The following DLC1 variants were observed in gnomAD, a reference collection of about 807,000 sequenced individuals.
The protein encoded by DLC1 is DLC1 Rho GTPase activating protein.
In DLC1, 54 loss-of-function variants were observed where a neutral mutation model predicts 140.3. The ratio of observed to expected loss-of-function variants is 0.38; its 90% CI spans 0.31 to 0.48. The LOEUF is 0.48. Ranked by LOEUF, DLC1 falls within the 20% of genes least tolerant of loss-of-function variation. The pLI is 0.96. For missense variants in DLC1, 2,536 were observed against 1,907.0 expected (o/e 1.33, Z -6.14); for synonymous variants, 986 against 728.1 (o/e 1.35, Z -5.70).
chr8:13,304,948 T>C (rs1188293), intron 5 of DLC1: 1,019,790 of 1,022,202 alleles, frequency 1, 508,733 homozygotes, highest in Middle Eastern at 1. Flanking sequence ...TAATTATTAA[T>C]AACTAATTTC....
rs147570369 is a variant in DLC1, at chr8:13,510,975, C to G, written c.-126+3627G>C. Among the ~76,000 whole-genome samples, 4 of 152,136 alleles carry G rather than the reference C, an allele frequency of 2.6e-5. No individual in the cohort carries two copies. The East Asian group carries it at 7.7e-4, about 29-fold the overall frequency. ...TTACCATTCCTCAACCCTGGTTTTC[C>G]TTTCTTTTTTTTTTCCTTCGCTTTT... On this transcript the variant is annotated intron_variant, in intron 1 of 17. Coordinates refer to ENST00000276297, the MANE Select transcript of DLC1 (RefSeq NM_182643.3).
intron 5 of DLC1, among the ~76,000 whole-genome samples, chr8:13,215,996 A>G (rs1314690750): frequency 1.3e-5 from 2 of 152,048 alleles, no homozygotes; most frequent in African/African-American, 4.8e-5. Flanking sequence ...AAAGTTTCCT[A>G]GGTGATTTTT....
chr8:13,328,646 G>C (rs1028945263), intron 4 of DLC1, among the ~76,000 whole-genome samples: 1 of 152,138 alleles, frequency 6.6e-6, no homozygotes, highest in Non-Finnish European at 1.5e-5. Context: ...GAGGGTATCT[G>C]AAGCTGGGGA....
At chr8:13,221,230 C>T (rs1485070974) in intron 5 of DLC1, among the ~76,000 whole-genome samples, 3 of 152,194 alleles carry the variant, frequency 2.0e-5, no homozygotes, top group East Asian at 3.9e-4. Context: ...ACCACTGACC[C>T]GGATGATTAC....
At chr8:13,259,796 G>T (rs796190856) in intron 5 of DLC1, among the ~76,000 whole-genome samples, 5 of 148,142 alleles carry the variant, frequency 3.4e-5, no homozygotes, top group Non-Finnish European at 6.0e-5. Context: ...CAACAGATGG[G>T]TTTTTTTTTT....
intron 5 of DLC1, among the ~76,000 whole-genome samples, chr8:13,177,235 G>T (rs1372499366): frequency 6.6e-6 from 1 of 151,952 alleles, no homozygotes; most frequent in Admixed American, 6.6e-5. Flanking sequence ...AATTTTTGGG[G>T]GGTTTCTTGG....
chr8:13,563,998 T>C (rs1046624098), intron 1 of DLC1, among the ~76,000 whole-genome samples: 7 of 152,196 alleles, frequency 4.6e-5, no homozygotes, highest in East Asian at 1.9e-4. Flanking sequence ...TCAATGTTTA[T>C]AGTAATTATC....
chr8:13,249,267 C>T (rs1829901005), intron 5 of DLC1, among the ~76,000 whole-genome samples: 2 of 152,124 alleles, frequency 1.3e-5, no homozygotes, highest in Admixed American at 6.5e-5. Flanking sequence ...TTAGTAGAGA[C>T]GAGTTTCACC....
intron 1 of DLC1, among the ~76,000 whole-genome samples, chr8:13,554,319 G>A (rs1002016868): frequency 2.6e-5 from 4 of 152,078 alleles, no homozygotes; most frequent in African/African-American, 9.7e-5. Flanking sequence ...GGCTGCCTCA[G>A]CCTCCCAAAA....
chr8:13,572,088 A>ATTTTTTT, intron 1 of DLC1, among the ~76,000 whole-genome samples: 1 of 60,648 alleles, frequency 1.6e-5, no homozygotes, highest in Non-Finnish European at 3.6e-5. Flanking sequence ...TATTATTATT[A>ATTTTTTT]TTATTTATTT....
At chr8:13,601,841 G>T (rs1156655374) in intron 1 of DLC1, among the ~76,000 whole-genome samples, 1 of 151,696 alleles carries the variant, frequency 6.6e-6, no homozygotes, top group Non-Finnish European at 1.5e-5. Context: ...TGGTGATTTT[G>T]CTGGCTATAT....
chr8:13,177,749 TG>T (rs33986456), intron 5 of DLC1, among the ~76,000 whole-genome samples: 5,959 of 152,296 alleles, frequency 0.039, 394 homozygotes, highest in African/African-American at 0.14. Context: ...GAAAAAATTT[TG>T]GTTCTTGGAC....
At position 13,222,860 on chromosome 8, in the gene DLC1, C is replaced by G. The variant is rs188094193; in HGVS notation, c.1348+82409G>C. On this transcript the variant is annotated intron_variant, in intron 5 of 17. Transcript: ENST00000276297. ...CCAGGCTCAAGCAATCCTCCCACCT[C>G]AGCCTCCCCAGTCGCTGGGACTACA... Among the ~76,000 whole-genome samples, 23 of 152,278 alleles carry G rather than the reference C, an allele frequency of 1.5e-4. No individual in the cohort carries two copies. In the East Asian group the frequency reaches 4.3e-3, roughly 28 times the overall value.
intron 4 of DLC1, among the ~76,000 whole-genome samples, chr8:13,311,326 A>T (rs552281646): frequency 1.3e-5 from 2 of 152,260 alleles, no homozygotes; most frequent in South Asian, 2.1e-4. Flanking sequence ...TGATGAAGCC[A>T]AAGGTCATCA....
chr8:13,319,501 G>C lies in DLC1; in HGVS notation c.1315-14199C>G, dbSNP rs1030208204. Among the ~76,000 whole-genome samples, 63 of 35,452 alleles carry C rather than the reference G, an allele frequency of 1.8e-3. 1 individual carries two copies. Among genetic ancestry groups the C allele is most frequent in the Non-Finnish European group, 4.0e-3 (57 of 14,286 alleles). The allele number at this position is 35,452 out of a possible 152,430, so 23.3% of individuals were successfully genotyped here. ...GGGGGGGGGGGTGGATTTCCCCCTTGCTGTTCTCCTGATAGTGAGTGAGTT... is the reference window on the plus strand; with the variant it reads ...GGGGGGGGGGGTGGATTTCCCCCTTCCTGTTCTCCTGATAGTGAGTGAGTT... On this transcript the variant is annotated intron_variant, in intron 4 of 17. Coordinates refer to ENST00000276297, the MANE Select transcript of DLC1 (RefSeq NM_182643.3).
rs535085990 is a variant in DLC1 at position 13,274,909 on chromosome 8, A to T, written c.1348+30360T>A. 4.6e-5 allele frequency among the ~76,000 whole-genome samples: 7 copies of T among 152,292 alleles called. 1 individual carries two copies. Among genetic ancestry groups the T allele is most frequent in the Admixed American group, 4.6e-4 (7 of 15,296 alleles). On this transcript the variant is annotated intron_variant, in intron 5 of 17. Transcript: ENST00000276297. The stretch of plus-strand genomic sequence containing the variant: ...AATTGTCAACCAATTATAGTTTTGA[A>T]TTTTTTACTCCCAAATCTTACATCT...
chr8:13,281,169 G>C (rs929766300), intron 5 of DLC1, among the ~76,000 whole-genome samples: 2 of 152,204 alleles, frequency 1.3e-5, no homozygotes, highest in African/African-American at 4.8e-5. Context: ...GAAATGTTTA[G>C]TTAATATAAT....
chr8:13,107,681 G>A (rs748414994), intron 7 of DLC1, among the ~76,000 whole-genome samples: 15 of 152,198 alleles, frequency 9.9e-5, no homozygotes, highest in Non-Finnish European at 1.6e-4. Flanking sequence ...CAAATGAAGT[G>A]ACTATCACAT....
chr8:13,473,793 C>A (rs1800317145), intron 2 of DLC1, among the ~76,000 whole-genome samples: 2 of 152,094 alleles, frequency 1.3e-5, no homozygotes, highest in Non-Finnish European at 2.9e-5. Flanking sequence ...ATTTTTGGAA[C>A]TTTGAACTTG....
Sources: allele counts gnomAD v4.1 joint callset (sites outside exome capture counted in the v4.1 genomes callset), GRCh38; gene constraint gnomAD v4.1.1; transcripts MANE v1.5; gene names NCBI Gene and HGNC (gene_info 2026-07-23, HGNC 2026-07-21).